Variants in CLK1 observed in about 807,000 individuals in gnomAD.
CLK1 encodes CDC like kinase 1, also known as dual specificity protein kinase CLK1.
A neutral mutation model predicts 60.9 loss-of-function variants in CLK1; 40 were observed. The observed-to-expected ratio is 0.66, with a 90% CI of 0.51 to 0.86. The LOEUF is 0.86. Among genes scored for constraint, CLK1 ranks in the 40% least tolerant of loss-of-function variants. The pLI is 0.00. For missense variants in CLK1, 563 were observed against 606.1 expected, an observed-to-expected ratio of 0.93 and a Z score of 0.75; for synonymous variants, 203 against 184.4, an observed-to-expected ratio of 1.10 and a Z score of -0.82.
At position 200,861,356 on chromosome 2, in the gene CLK1, CTT is replaced by C; in HGVS notation, c.270_271del (p.Asp92ProfsTer2). 2 of 1,614,180 alleles carry C rather than the reference CTT, an allele frequency of 1.2e-6. No individual in the cohort carries two copies. Among genetic ancestry groups the C allele is most frequent in the Non-Finnish European group, 8.5e-7 (1 of 1,180,036 alleles). On this transcript the variant is annotated frameshift_variant, in exon 3 of 13. Coordinates refer to ENST00000321356, the MANE Select transcript of CLK1 (RefSeq NM_004071.4). LOFTEE classifies it high-confidence loss of function. ...GTTCTGATACCGGCTTTCATGGTCT[CTT>C]TGGCGATGTCCAGGTTCACATCCTT...
intron 2 of CLK1, 39 bp from the exon 3 acceptor site, chr2:200,861,505 G>A: frequency 6.2e-7 from 1 of 1,603,024 alleles, no homozygotes; most frequent in Admixed American, 1.7e-5. Context: ...TTTATGCTAA[G>A]ACCAAATATC....
chr2:200,854,481 AG>A (rs2039007130), intron 11 of CLK1, 134 bp downstream of exon 11: 1 of 579,624 alleles, frequency 1.7e-6, no homozygotes, highest in East Asian at 3.0e-5. Context: ...GCTTGCATTG[AG>A]CCGAGGTCAC....
chr2:200,857,460 T>G, intron 7 of CLK1: 1 of 331,400 alleles, frequency 3.0e-6, no homozygotes, highest in Non-Finnish European at 5.5e-6. Context: ...TTACCCAGCA[T>G]TCGAAGTTAC....
At chr2:200,860,855 T>C in intron 3 of CLK1, 1 of 1,057,164 alleles carries the variant, frequency 9.5e-7, no homozygotes, top group Non-Finnish European at 1.1e-6. Flanking sequence ...GCATACCTAA[T>C]CCTAAATTAT....
chr2:200,858,815 C>T (rs1008497832), intron 5 of CLK1, among the ~76,000 whole-genome samples: 2 of 145,364 alleles, frequency 1.4e-5, no homozygotes. Flanking sequence ...ATAACAACAA[C>T]AACAACAACA....
At chr2:200,860,005 G>GA (rs2039109242) in intron 4 of CLK1, 120 bp downstream of exon 4, 1 of 1,451,082 alleles carries the variant, frequency 6.9e-7, no homozygotes, top group Non-Finnish European at 9.1e-7. Context: ...AAAAGAAATG[G>GA]AAAAATAAAA....
chr2:200,861,332 T>C lies in CLK1; in HGVS notation c.296A>G (p.Asn99Ser). Residue 99 changes from asparagine to serine, a missense_variant, in exon 3 of 13, where the codon AAC becomes AGC. Around this residue, in one of 3 missense-constraint regions of CLK1, gnomAD observed 198 missense variants for 179.2 expected, o/e 1.10. Coordinates refer to ENST00000321356, the MANE Select transcript of CLK1 (RefSeq NM_004071.4). ...RQRDHESRYQ[N>S]HSSKSSGRSG... ...TCTACCAGAAGACTTGCTACTATGGTTCTGATACCGGCTTTCATGGTCTCT... is the reference window on the plus strand; with the variant it reads ...TCTACCAGAAGACTTGCTACTATGGCTCTGATACCGGCTTTCATGGTCTCT... The C allele has an allele frequency of 7.4e-6, 12 of 1,614,218 alleles. No homozygotes were observed. The highest frequency in any genetic ancestry group is 1.0e-5 in the Non-Finnish European group (12 of 1,180,026).
intron 11 of CLK1, 199 bp from the exon 12 acceptor site, chr2:200,854,192 A>C (rs964486246): frequency 5.2e-5 from 25 of 480,180 alleles, no homozygotes; most frequent in Non-Finnish European, 8.8e-5. Context: ...CATTATTTAT[A>C]AAGTCCTAAT....
intron 1 of CLK1, 52 bp downstream of exon 1, chr2:200,864,512 G>A (rs952934662): frequency 2.4e-6 from 1 of 414,914 alleles, no homozygotes; most frequent in Non-Finnish European, 4.3e-6. Flanking sequence ...AGGCGCCCGC[G>A]AGGCTCACAG....
At position 200,856,805 on chromosome 2, in the gene CLK1, C is replaced by T; in HGVS notation, c.934G>A (p.Asp312Asn). 2.5e-6 allele frequency: 4 copies of T among 1,612,872 alleles called. No homozygotes were observed. The highest frequency in any genetic ancestry group is 3.4e-6 in the Non-Finnish European group (4 of 1,179,454). ...TEAYNPKIKRDERTLINPDIK... is the reference protein window; with the variant it reads ...TEAYNPKIKRNERTLINPDIK... ...TCTGGATTTATTAAGGTGCGTTCATCACGTTTCTGAAAATCATAAATGATG... is the reference window on the plus strand; with the variant it reads ...TCTGGATTTATTAAGGTGCGTTCATTACGTTTCTGAAAATCATAAATGATG... The change falls in exon 9 of 13, where the codon GAT (aspartate) becomes AAT (asparagine). Residue 312 changes from aspartate (D) to asparagine (N), a missense_variant. By Grantham distance (23) the Asp-to-Asn change is conservative. Coordinates refer to ENST00000321356, the MANE Select transcript of CLK1 (RefSeq NM_004071.4).
In CLK1 at chr2:200,853,450, C is replaced by T; in HGVS notation, c.1312-1G>A. Reference sequence around the variant, plus strand: ...CAACATCTTGAGAAAGCATAAATTCCTGGAAGAAAAAAAGAAATTCATTCA... The same window carrying T: ...CAACATCTTGAGAAAGCATAAATTCTTGGAAGAAAAAAAGAAATTCATTCA... On this transcript the variant is annotated splice_acceptor_variant, in intron 12 of 12. Coordinates refer to ENST00000321356, the MANE Select transcript of CLK1 (RefSeq NM_004071.4). LOFTEE classifies it high-confidence loss of function. 6.3e-7 allele frequency: 1 copy of T among 1,599,710 alleles called. No homozygotes were observed. Among genetic ancestry groups the T allele is most frequent in the Non-Finnish European group, 8.5e-7 (1 of 1,176,532 alleles).
Position 200,859,679 on chromosome 2 carries a change from C to T in CLK1, c.548+1G>A, listed in dbSNP as rs1484733773. On this transcript the variant is annotated splice_donor_variant, in intron 5 of 12. Transcript: ENST00000321356. LOFTEE classifies it high-confidence loss of function. ...AAGTAATCCCAACATGGGAAACTTA[C>T]GCTTTATGATCGATGCACTCCACAA... 5 of 1,611,248 alleles carry T rather than the reference C, an allele frequency of 3.1e-6. No homozygotes were observed. The highest frequency in any genetic ancestry group is 2.2e-5 in the East Asian group (1 of 44,762).
At chr2:200,854,807 T>C (rs1410805246) in intron 10 of CLK1, 112 bp from the exon 11 acceptor site, 2 of 856,824 alleles carry the variant, frequency 2.3e-6, no homozygotes, top group Non-Finnish European at 3.9e-6. Flanking sequence ...TCGCCAATGA[T>C]TCCCTACATG....
At position 200,853,179 on chromosome 2, in the gene CLK1, AAAC is replaced by A. The variant is rs1212483444; in HGVS notation, c.*124_*126del. The A allele has an allele frequency of 1.4e-6, 1 of 694,252 alleles. No homozygotes were observed. Among genetic ancestry groups the A allele is most frequent in the Non-Finnish European group, 2.3e-6 (1 of 443,830 alleles). 43.0% of individuals were successfully genotyped at this position (694,252 alleles called of 1,614,324 possible). On this transcript the variant is annotated 3_prime_UTR_variant, in exon 13 of 13. Coordinates refer to ENST00000321356, the MANE Select transcript of CLK1 (RefSeq NM_004071.4). ...ATGTACTTAATGAACCAAATTACCC[AAAC>A]AAAATAAACATGGCAATATAAAAAT... is the stretch of plus-strand genomic sequence containing the variant.
intron 11 of CLK1, 104 bp downstream of exon 11, chr2:200,854,512 G>T (rs1430656634): frequency 4.3e-6 from 3 of 704,708 alleles, no homozygotes; most frequent in Non-Finnish European, 7.4e-6. Context: ...CTCCAGCCTG[G>T]GCAACAGAGC....
chr2:200,854,233 T>G (rs192744871), intron 11 of CLK1: 2 of 342,390 alleles, frequency 5.8e-6, no homozygotes, highest in East Asian at 1.2e-4. Flanking sequence ...AGTGAAAATT[T>G]AAAAAAAAAA....
In CLK1 at chr2:200,853,048, T is replaced by C. The variant is rs1479042002; in HGVS notation, c.*258A>G. 3.6e-6 allele frequency: 1 copy of C among 277,448 alleles called. No homozygotes were observed. Among genetic ancestry groups the C allele is most frequent in the Non-Finnish European group, 6.6e-6 (1 of 150,856 alleles). The allele number at this position is 277,448 out of a possible 1,614,324, so 17.2% of individuals were successfully genotyped here. A position where few individuals can be genotyped will look rare whatever the true frequency, so the allele number is the denominator to read the frequency against. On this transcript the variant is annotated 3_prime_UTR_variant, in exon 13 of 13. Coordinates refer to ENST00000321356, the MANE Select transcript of CLK1 (RefSeq NM_004071.4). Reference sequence around the variant, plus strand: ...TTAATAGAAGTAGGAAGAAAAATGGTACTTAGAACAAACTGTTCAGATACA... The same window carrying C: ...TTAATAGAAGTAGGAAGAAAAATGGCACTTAGAACAAACTGTTCAGATACA...
rs1478960411 is a variant in CLK1, at chr2:200,853,062, TG to T, written c.*243del. On this transcript the variant is annotated 3_prime_UTR_variant, in exon 13 of 13. Transcript: ENST00000321356. ...AAGAAAAATGGTACTTAGAACAAAC[TG>T]TTCAGATACATATCAACTTCATAAG... 6.4e-6 allele frequency: 2 copies of T among 310,344 alleles called. No individual in the cohort carries two copies. The highest frequency in any genetic ancestry group is 1.2e-5 in the Non-Finnish European group (2 of 171,694). The allele number at this position is 310,344 out of a possible 1,614,324, so 19.2% of individuals were successfully genotyped here.
Position 200,853,279 on chromosome 2 carries a change from C to T in CLK1, c.*27G>A, listed in dbSNP as rs1276424844. ...TAGACTGATACAGTCTGTAAGATCT[C>T]TTCGAGAGAGCTGTCCAATTACAGA... On this transcript the variant is annotated 3_prime_UTR_variant, in exon 13 of 13. Coordinates refer to ENST00000321356, the MANE Select transcript of CLK1 (RefSeq NM_004071.4). The T allele has an allele frequency of 6.4e-7, 1 of 1,569,362 alleles. No individual in the cohort carries two copies. Among genetic ancestry groups the T allele is most frequent in the Non-Finnish European group, 8.6e-7 (1 of 1,156,390 alleles).
Sources: allele counts gnomAD v4.1 joint callset (sites outside exome capture counted in the v4.1 genomes callset), GRCh38; gene constraint gnomAD v4.1.1; regional missense constraint gnomAD v4.1.1; transcripts MANE v1.5; gene names NCBI Gene and HGNC (gene_info 2026-07-23, HGNC 2026-07-21).